CYB5B: variants seen among roughly 807,000 people sequenced by gnomAD.
CYB5B encodes cytochrome b5 type B (outer mitochondrial membrane).
CYB5B carries 14 observed loss-of-function variants against 21.3 expected under a neutral mutation model. The ratio of observed to expected loss-of-function variants is 0.66; its 90% CI spans 0.43 to 1.03. The LOEUF is 1.03. Ranked by LOEUF, CYB5B falls within the 50% of genes least tolerant of loss-of-function variation. CYB5B has a pLI of 0.00. For synonymous variants in CYB5B, 69 were observed against 68.4 expected, an observed-to-expected ratio of 1.01 and a Z score of -0.04; for missense variants, 166 against 185.1, an observed-to-expected ratio of 0.90 and a Z score of 0.60.
chr16:69,430,217 AT>A (rs2014691400), intron 1 of CYB5B, among the ~76,000 whole-genome samples: 1 of 151,904 alleles, frequency 6.6e-6, no homozygotes, highest in Non-Finnish European at 1.5e-5. Flanking sequence ...TATATAATGT[AT>A]TTTTTTTTCT....
At position 69,462,457 on chromosome 16, in the gene CYB5B, C is replaced by G. The variant is rs761346220; in HGVS notation, c.390C>G (p.Ile130Met). The stretch of plus-strand genomic sequence containing the variant: ...GCTGGGCATATTGGATTTTACCCAT[C>G]ATAGGCGCTGTTCTCTTAGGTTTCC... ...KSCWAYWILPIIGAVLLGFLY... is the reference protein window; with the variant it reads ...KSCWAYWILPMIGAVLLGFLY... The change falls in exon 5 of 5, where the codon ATC becomes ATG. Residue 130 changes from isoleucine (I) to methionine (M), a missense_variant. Transcript: ENST00000307892. The G allele has an allele frequency of 6.2e-6, 10 of 1,614,034 alleles. No individual in the cohort carries two copies. The highest frequency in any genetic ancestry group is 1.7e-5 in the Admixed American group (1 of 60,010).
At chr16:69,428,133 T>G (rs1168888415) in intron 1 of CYB5B, among the ~76,000 whole-genome samples, 1 of 152,120 alleles carries the variant, frequency 6.6e-6, no homozygotes, top group Non-Finnish European at 1.5e-5. Context: ...CCTAATTAGC[T>G]ATTCTTATTT....
chr16:69,453,790 C>G (rs2014957908), intron 3 of CYB5B, among the ~76,000 whole-genome samples: 1 of 152,098 alleles, frequency 6.6e-6, no homozygotes, highest in African/African-American at 2.4e-5. Context: ...AACTCCTGAC[C>G]TCAGGTGATC....
At chr16:69,453,392 T>C (rs1447665286) in intron 3 of CYB5B, among the ~76,000 whole-genome samples, 1 of 152,192 alleles carries the variant, frequency 6.6e-6, no homozygotes, top group Non-Finnish European at 1.5e-5. Flanking sequence ...TTACATCAAA[T>C]TAAAAATTTT....
intron 1 of CYB5B, among the ~76,000 whole-genome samples, chr16:69,433,004 GCC>G (rs2014722038): frequency 6.6e-6 from 1 of 152,066 alleles, no homozygotes; most frequent in Non-Finnish European, 1.5e-5. Flanking sequence ...TGCCGTGTTG[GCC>G]GGGCTGGTCT....
At chr16:69,426,138 G>A (rs1286457415) in intron 1 of CYB5B, among the ~76,000 whole-genome samples, 1 of 152,128 alleles carries the variant, frequency 6.6e-6, no homozygotes, top group African/African-American at 2.4e-5. Context: ...GGTGGCTCAC[G>A]CCTGTAATCC....
At chr16:69,425,585 T>G (rs750959461) in intron 1 of CYB5B, among the ~76,000 whole-genome samples, 11 of 152,170 alleles carry the variant, frequency 7.2e-5, no homozygotes, top group Non-Finnish European at 8.8e-5. Flanking sequence ...ATTTAAAACT[T>G]TATTGAGGTG....
chr16:69,452,542 A>G (rs1273734179), intron 3 of CYB5B, among the ~76,000 whole-genome samples: 3 of 151,814 alleles, frequency 2.0e-5, no homozygotes, highest in Admixed American at 6.6e-5. Flanking sequence ...TTAGCTGGGA[A>G]TGGTGGTGTC....
At chr16:69,427,003 G>A (rs1314276763) in intron 1 of CYB5B, among the ~76,000 whole-genome samples, 1 of 152,174 alleles carries the variant, frequency 6.6e-6, no homozygotes, top group East Asian at 1.9e-4. Flanking sequence ...ACTTTTGGAG[G>A]CACAGGCGGG....
intron 3 of CYB5B, among the ~76,000 whole-genome samples, chr16:69,456,829 T>C (rs369905757): frequency 6.6e-6 from 1 of 152,188 alleles, no homozygotes; most frequent in Admixed American, 6.5e-5. Flanking sequence ...AATAGAACTT[T>C]TTTCATTTCA....
In CYB5B at chr16:69,448,134, G is replaced by A; in HGVS notation, c.323G>A (p.Ser108Asn). 2 of 1,612,944 alleles carry A rather than the reference G, an allele frequency of 1.2e-6. No homozygotes were observed. Among genetic ancestry groups the A allele is most frequent in the Non-Finnish European group, 1.7e-6 (2 of 1,179,744 alleles). Residue 108 changes from serine to asparagine, a missense_variant, in exon 3 of 5, where the codon AGT becomes AAT. Coordinates refer to ENST00000307892, the MANE Select transcript of CYB5B (RefSeq NM_030579.3). ...DIHPSDLKPE[S>N]GSKDPSKNDT... is the part of the protein sequence containing the mutation. ...TGACAGAGTGACCTTAAACCTGAAA[G>A]TGGTAGCAAGGTAAGAAGTCAGCGG...
At chr16:69,461,264 A>G (rs1207793645) in intron 4 of CYB5B, among the ~76,000 whole-genome samples, 1 of 151,930 alleles carries the variant, frequency 6.6e-6, no homozygotes, top group Non-Finnish European at 1.5e-5. Context: ...CAAGGATCCT[A>G]CTTTTGGATT....
rs2015083945 is a variant in CYB5B at position 69,465,799 on chromosome 16, CA to C, written c.*3281del. 3.3e-5 allele frequency: 5 copies of C among 152,172 alleles called. No individual in the cohort carries two copies. The highest frequency in any genetic ancestry group is 3.3e-4 in the Admixed American group (5 of 15,278). 9.4% of individuals were successfully genotyped at this position (152,172 alleles called of 1,614,324 possible). ...TGGATTCAGACATGTCTTGTCTCAA[CA>C]AGAAATTGATTTTTTTTTAAACTAT... is the stretch of plus-strand genomic sequence containing the variant. On this transcript the variant is annotated 3_prime_UTR_variant, in exon 5 of 5. Coordinates refer to ENST00000307892, the MANE Select transcript of CYB5B (RefSeq NM_030579.3).
intron 4 of CYB5B, 144 bp from the exon 5 acceptor site, chr16:69,462,286 C>A: frequency 1.6e-6 from 1 of 620,676 alleles, no homozygotes; most frequent in East Asian, 2.8e-5. Context: ...ATATTTTTCC[C>A]CAACTACTTT....
At chr16:69,456,327 G>T (rs1431697535) in intron 3 of CYB5B, among the ~76,000 whole-genome samples, 1 of 152,010 alleles carries the variant, frequency 6.6e-6, no homozygotes, top group Non-Finnish European at 1.5e-5. Flanking sequence ...TTTTAGTGGG[G>T]AATTAAAGCC....
intron 1 of CYB5B, among the ~76,000 whole-genome samples, chr16:69,427,993 CAA>C (rs71151104): frequency 4.1e-4 from 41 of 100,922 alleles, no homozygotes; most frequent in Admixed American, 6.6e-4. Context: ...GACTCTGTCT[CAA>C]AAAAAAAAAA....
chr16:69,442,851 T>G (rs11865441), intron 1 of CYB5B, among the ~76,000 whole-genome samples: 2 of 148,342 alleles, frequency 1.3e-5, no homozygotes, highest in Non-Finnish European at 3.0e-5. Flanking sequence ...TTTTAAATTC[T>G]GAGAGTCTCT....
rs889519410 is a variant in CYB5B, at chr16:69,429,198, G to C, written c.174+4341G>C. ...ATAGACCTTCGCGGTGAGTGTTATA[G>C]CTCTTAAAGGTGGCACAGACCCAAA... On this transcript the variant is annotated intron_variant, in intron 1 of 4. Transcript: ENST00000307892. 1.3e-5 allele frequency among the ~76,000 whole-genome samples: 2 copies of C among 152,164 alleles called. 1 individual carries two copies. Among genetic ancestry groups the C allele is most frequent in the South Asian group, 4.1e-4 (2 of 4,836 alleles).
intron 3 of CYB5B, 155 bp downstream of exon 3, chr16:69,448,299 C>A: frequency 1.3e-6 from 1 of 788,898 alleles, no homozygotes; most frequent in Non-Finnish European, 2.1e-6. Context: ...TCAGTATCAT[C>A]TCAGGAATAA....
Sources: allele counts gnomAD v4.1 joint callset (sites outside exome capture counted in the v4.1 genomes callset), GRCh38; gene constraint gnomAD v4.1.1; transcripts MANE v1.5; gene names NCBI Gene and HGNC (gene_info 2026-07-23, HGNC 2026-07-21).